TUSC3: variants seen among roughly 807,000 people sequenced by gnomAD.
TUSC3 encodes the protein tumor suppressor candidate 3, also known as dolichyl-diphosphooligosaccharide--protein glycosyltransferase subunit TUSC3.
TUSC3 carries 45 observed loss-of-function variants against 44.8 expected under a neutral mutation model. The ratio of observed to expected loss-of-function variants is 1.00; its 90% confidence interval spans 0.79 to 1.29. The LOEUF is 1.29. Ranked by LOEUF, TUSC3 falls within the 50% of genes most tolerant of loss-of-function variation. The pLI, the probability that TUSC3 is intolerant of heterozygous loss-of-function variation, is 0.00. For synonymous variants in TUSC3, 212 were observed against 152.9 expected, an observed-to-expected ratio of 1.39 and a Z score of -2.85; for missense variants, 519 against 437.9, an observed-to-expected ratio of 1.19 and a Z score of -1.65.
intron 5 of TUSC3, among the ~76,000 whole-genome samples, chr8:15,670,319 T>C (rs2129182458): frequency 6.6e-6 from 1 of 151,930 alleles, no homozygotes; most frequent in Middle Eastern, 3.4e-3. Flanking sequence ...TCAACATTTA[T>C]TATAGATCTT....
chr8:15,487,110 A>G (rs1800742744), intron 2 of TUSC3, among the ~76,000 whole-genome samples: 1 of 152,168 alleles, frequency 6.6e-6, no homozygotes, highest in African/African-American at 2.4e-5. Flanking sequence ...TTCATTGCCT[A>G]TTAAATTTGA....
intron 2 of TUSC3, among the ~76,000 whole-genome samples, chr8:15,528,386 C>T (rs77316296): frequency 0.01 from 1,596 of 152,164 alleles, 25 homozygotes; most frequent in East Asian, 0.035. Flanking sequence ...TTTAAAAGTT[C>T]GATATAAACT....
intron 7 of TUSC3, among the ~76,000 whole-genome samples, chr8:15,738,522 TACA>T (rs1175617314): frequency 1.3e-5 from 2 of 152,162 alleles, no homozygotes; most frequent in South Asian, 2.1e-4. Context: ...ACTTTTGCAC[TACA>T]ACAAGTTGAG....
rs535571426 is a variant in TUSC3 at position 15,445,428 on chromosome 8, A to G, written n.91+28123A>G. On this transcript the variant is annotated intron_variant and non_coding_transcript_variant, in intron 1 of 5. Transcript: ENST00000503191. ...AAGGTTAGCAGATAAACATGTGAAC[A>G]AGGATCTCTGGTTTTCCTAGGCAGA... Among the ~76,000 whole-genome samples the G allele has an allele frequency of 1.4e-4, 22 of 152,268 alleles. 1 individual carries two copies. Among genetic ancestry groups the G allele is most frequent in the African/African-American group, 4.3e-4 (18 of 41,554 alleles).
chr8:15,694,891 G>T (rs1397931245), intron 6 of TUSC3, among the ~76,000 whole-genome samples: 1 of 152,202 alleles, frequency 6.6e-6, no homozygotes, highest in Non-Finnish European at 1.5e-5. Flanking sequence ...GATTCGTGCT[G>T]GTTCACTTAC....
At chr8:15,666,866 A>C (rs1490709901) in intron 5 of TUSC3, among the ~76,000 whole-genome samples, 1 of 151,462 alleles carries the variant, frequency 6.6e-6, no homozygotes, top group African/African-American at 2.4e-5. Context: ...ATTTGTGTAA[A>C]GAGTTAGGAA....
chr8:15,749,521 G>GGAAGAAATGTGGGTATCAGATTT (rs1242735231), intron 9 of TUSC3, among the ~76,000 whole-genome samples: 1 of 151,954 alleles, frequency 6.6e-6, no homozygotes, highest in Non-Finnish European at 1.5e-5. Context: ...CCAAGGGAAT[G>GGAAGAAATGTGGGTATCAGATTT]GAAGAAATGT....
At chr8:15,700,578 G>C (rs1023123001) in intron 6 of TUSC3, among the ~76,000 whole-genome samples, 1 of 152,120 alleles carries the variant, frequency 6.6e-6, no homozygotes, top group East Asian at 1.9e-4. Flanking sequence ...GGAACAGAGA[G>C]TAATTTGATG....
chr8:15,512,343 C>G (rs574306060), intron 2 of TUSC3, among the ~76,000 whole-genome samples: 2 of 152,278 alleles, frequency 1.3e-5, no homozygotes, highest in African/African-American at 2.4e-5. Flanking sequence ...CTCCCCTGAA[C>G]AAGAAGGAAT....
chr8:15,472,618 C>T (rs1464540241), intron 1 of TUSC3, among the ~76,000 whole-genome samples: 4 of 152,114 alleles, frequency 2.6e-5, no homozygotes, highest in African/African-American at 9.7e-5. Flanking sequence ...TCTTCTGAAA[C>T]ACAGCTCATT....
intron 1 of TUSC3, among the ~76,000 whole-genome samples, chr8:15,619,219 A>G (rs1344454030): frequency 6.6e-6 from 1 of 152,142 alleles, no homozygotes; most frequent in Admixed American, 6.5e-5. Context: ...TTTCACTATG[A>G]TTTGATATTT....
chr8:15,805,018 T>C, the TUSC3 span, among the ~76,000 whole-genome samples: 9 of 152,142 alleles, frequency 5.9e-5, no homozygotes, highest in African/African-American at 2.2e-4. Context: ...CAGTGTTTTG[T>C]AGTTGTTCTT....
intron 2 of TUSC3, among the ~76,000 whole-genome samples, chr8:15,491,104 G>A (rs1054142480): frequency 3.9e-5 from 6 of 152,262 alleles, no homozygotes; most frequent in African/African-American, 1.4e-4. Context: ...CATTTGTCTC[G>A]TGCTCAGTGA....
the TUSC3 span, among the ~76,000 whole-genome samples, chr8:15,794,896 A>C: frequency 6.6e-6 from 1 of 152,128 alleles, no homozygotes; most frequent in South Asian, 2.1e-4. Context: ...GACAATCCAA[A>C]ACAAAGAAAG....
chr8:15,527,404 A>T (rs1214382337), intron 2 of TUSC3, among the ~76,000 whole-genome samples: 1 of 152,006 alleles, frequency 6.6e-6, no homozygotes, highest in African/African-American at 2.4e-5. Flanking sequence ...TTTAGTAGAG[A>T]TGGGGTTTTG....
chr8:15,457,845 TTATC>T (rs1800279349), intron 1 of TUSC3, among the ~76,000 whole-genome samples: 2 of 39,654 alleles, frequency 5.0e-5, no homozygotes, highest in African/African-American at 1.3e-4. Flanking sequence ...ATTAGATTAA[TTATC>T]TAATAATTAT....
chr8:15,750,347 G>T (rs352786), intron 9 of TUSC3, among the ~76,000 whole-genome samples: 1 of 151,848 alleles, frequency 6.6e-6, no homozygotes, highest in Non-Finnish European at 1.5e-5. Flanking sequence ...AACTTTCCTT[G>T]TATATCAGAG....
chr8:15,755,116 TCA>T (rs1811869215), intron 9 of TUSC3, among the ~76,000 whole-genome samples: 1 of 152,120 alleles, frequency 6.6e-6, no homozygotes, highest in Non-Finnish European at 1.5e-5. Context: ...CTAAATTCTC[TCA>T]GATTGTCTTT....
intron 8 of TUSC3, among the ~76,000 whole-genome samples, chr8:15,744,119 T>TAC (rs1291288578): frequency 6.6e-6 from 1 of 152,214 alleles, no homozygotes; most frequent in Non-Finnish European, 1.5e-5. Context: ...CATCTATTGA[T>TAC]ACTATCTTTT....
Sources: gnomAD v4.1 joint callset for allele counts (sites outside exome capture counted in the v4.1 genomes callset) on GRCh38, gnomAD v4.1.1 for gene constraint, MANE v1.5 for transcripts, NCBI Gene and HGNC (gene_info 2026-07-23, HGNC 2026-07-21) for gene names.